DOCK9: variants seen among roughly 807,000 people sequenced by gnomAD.
DOCK9 encodes the protein dedicator of cytokinesis 9.
In DOCK9, 89 loss-of-function variants were observed where a neutral mutation model predicts 263.3. That is an observed-to-expected ratio of 0.34 (90% CI 0.28 to 0.40). DOCK9 has a LOEUF of 0.40. DOCK9 is among the 10% of genes least tolerant of loss of function. The pLI is 1.00. For missense variants in DOCK9, 2,140 were observed against 2,603.4 expected, an observed-to-expected ratio of 0.82 and a Z score of 3.87; for synonymous variants, 976 against 973.1, an observed-to-expected ratio of 1.00 and a Z score of -0.06.
chr13:99,065,595 T>A lies in DOCK9; in HGVS notation c.129+20628A>T, dbSNP rs193102257. ...CAAGTACACGCCATGATTTCCTTCC[T>A]CAAGGCCTGTGCTCCTACGGGTCCC... is the stretch of plus-strand genomic sequence containing the variant. On this transcript the variant is annotated intron_variant, in intron 1 of 32. Transcript: ENST00000427887. Among the ~76,000 whole-genome samples the A allele has an allele frequency of 7.2e-5, 11 of 152,326 alleles. No homozygotes were observed. In the East Asian group the frequency reaches 1.9e-3, roughly 27 times the overall value.
intron 1 of DOCK9, among the ~76,000 whole-genome samples, chr13:98,995,310 G>C (rs1880746868): frequency 6.6e-6 from 1 of 152,120 alleles, no homozygotes; most frequent in Non-Finnish European, 1.5e-5. Context: ...AGGAGTATTG[G>C]GAGATGTGCT....
intron 24 of DOCK9, 71 bp from the exon 25 acceptor site, chr13:98,881,698 T>C (rs1017201462): frequency 1.3e-5 from 19 of 1,458,948 alleles, no homozygotes; most frequent in East Asian, 2.4e-5. Context: ...ATCACAGCAG[T>C]AGTAGAACAA....
intron 1 of DOCK9, among the ~76,000 whole-genome samples, chr13:99,046,322 T>C (rs1022335183): frequency 6.6e-6 from 1 of 152,166 alleles, no homozygotes; most frequent in Non-Finnish European, 1.5e-5. Flanking sequence ...CTGCTTTGAG[T>C]AGGAGGATCC....
chr13:98,900,741 G>A (rs1282634024), intron 13 of DOCK9, among the ~76,000 whole-genome samples: 4 of 152,218 alleles, frequency 2.6e-5, no homozygotes, highest in Non-Finnish European at 5.9e-5. Flanking sequence ...GAGAGGTGAT[G>A]TGATTTGTCC....
intron 15 of DOCK9, among the ~76,000 whole-genome samples, chr13:98,890,181 A>G (rs2046399885): frequency 6.6e-6 from 1 of 152,226 alleles, no homozygotes; most frequent in Non-Finnish European, 1.5e-5. Context: ...TCATAAAAAT[A>G]TTTAATCAGC....
At chr13:98,886,501 A>G in intron 19 of DOCK9, 31 bp downstream of exon 19, 1 of 1,598,984 alleles carries the variant, frequency 6.3e-7, no homozygotes, top group Non-Finnish European at 8.6e-7. Context: ...AAACTGGTCA[A>G]ATTCGGTTTT....
chr13:99,082,445 G>A (rs968628919), intron 1 of DOCK9, among the ~76,000 whole-genome samples: 7 of 151,608 alleles, frequency 4.6e-5, no homozygotes, highest in Non-Finnish European at 7.4e-5. Context: ...CTTGAACCCG[G>A]GAAGCGGAGG....
Position 98,885,070 on chromosome 13 carries a change from G to T in DOCK9, c.2283C>A (p.Leu761=), listed in dbSNP as rs752140830. ...ETQVGYSWLP[L]LKDGRVVTSE... is the part of the protein sequence containing the mutation. ...TTGTCACCACCCTTCCGTCTTTCAG[G>T]AGGGGAAGCCAGGAGTAGCCAACTG... Residue 761 remains leucine (L), a synonymous_variant, in exon 21 of 53, where the codon CTC becomes CTA. Transcript: ENST00000682017. 1 of 1,613,556 alleles carries T rather than the reference G, an allele frequency of 6.2e-7. No homozygotes were observed. Among genetic ancestry groups the T allele is most frequent in the Admixed American group, 1.7e-5 (1 of 59,956 alleles).
chr13:99,057,147 G>T (rs758794115), intron 1 of DOCK9, among the ~76,000 whole-genome samples: 7 of 152,204 alleles, frequency 4.6e-5, no homozygotes, highest in Non-Finnish European at 1.0e-4. Flanking sequence ...CACTCAGCTG[G>T]ACCCCCACCC....
At chr13:98,809,329 T>A (rs777870467) in intron 47 of DOCK9, 23 bp downstream of exon 47, 1 of 1,587,678 alleles carries the variant, frequency 6.3e-7, no homozygotes, top group East Asian at 2.2e-5. Flanking sequence ...TAGGACAGTC[T>A]GCAGAATGGA....
At chr13:98,964,409 C>T (rs2141192273) in intron 1 of DOCK9, among the ~76,000 whole-genome samples, 1 of 152,240 alleles carries the variant, frequency 6.6e-6, no homozygotes, top group East Asian at 1.9e-4. Flanking sequence ...TGGAGCTGAT[C>T]AATGAGTTGA....
chr13:98,823,730 A>G (rs1233305666), intron 45 of DOCK9, among the ~76,000 whole-genome samples: 1 of 152,268 alleles, frequency 6.6e-6, no homozygotes, highest in Non-Finnish European at 1.5e-5. Context: ...ATTTATTCAA[A>G]TATCTAGTTT....
At position 98,955,469 on chromosome 13, in the gene DOCK9, C is replaced by T; in HGVS notation, c.209G>A (p.Arg70Gln). 6 of 1,595,868 alleles carry T rather than the reference C, an allele frequency of 3.8e-6. No homozygotes were observed. Among genetic ancestry groups the T allele is most frequent in the South Asian group, 1.1e-5 (1 of 87,740 alleles). The change falls in exon 2 of 53, where the codon CGG becomes CAG. Residue 70 changes from arginine (R) to glutamine (Q), a missense_variant. Transcript: ENST00000682017. ...ATCGTAAGGGAAGAGCAGCATCTCC[C>T]GTAAACAGTCGTTCAGGATCTGAGT... ...KKTQILNDCL[R>Q]EMLLFPYDDF...
At chr13:98,796,360 T>G (rs2089406735) in intron 52 of DOCK9, 1 of 671,718 alleles carries the variant, frequency 1.5e-6, no homozygotes, top group Admixed American at 2.3e-5. Flanking sequence ...TGTGCCAGAC[T>G]GAAGGACGAT....
Position 98,824,521 on chromosome 13 carries a change from G to A in DOCK9, c.5024-17C>T, listed in dbSNP as rs755597744. 41 of 1,611,224 alleles carry A rather than the reference G, an allele frequency of 2.5e-5. No homozygotes were observed. Among genetic ancestry groups the A allele is most frequent in the Middle Eastern group, 1.6e-4 (1 of 6,070 alleles). ...TAAACACGCCTAGGAAGAGAGGAAG[G>A]AGGGACAGTCAGAGTTAGGAACCTG... On this transcript the variant is annotated splice_polypyrimidine_tract_variant and intron_variant, in intron 44 of 52. Transcript: ENST00000682017.
chr13:98,981,824 T>C (rs1156808929), upstream of DOCK9, among the ~76,000 whole-genome samples: 2 of 152,188 alleles, frequency 1.3e-5, no homozygotes, highest in African/African-American at 2.4e-5. Flanking sequence ...TGTGAGGACA[T>C]GAGGATGACA....
intron 1 of DOCK9, among the ~76,000 whole-genome samples, chr13:98,968,579 C>G (rs546385299): frequency 3.9e-5 from 6 of 152,284 alleles, no homozygotes; most frequent in African/African-American, 1.2e-4. Context: ...GAGATCACTC[C>G]ACTGCACTGC....
rs935195541 is a variant in DOCK9 at position 98,794,471 on chromosome 13, A to G, written c.*155T>C. On this transcript the variant is annotated 3_prime_UTR_variant, in exon 53 of 53. Coordinates refer to ENST00000682017, the MANE Select transcript of DOCK9 (RefSeq NM_001366683.2). ...GTGCACCTTCTTACAACTCCTATAG[A>G]AAGTCTGTTAAGAAATAACGTTGTT... 3.0e-5 allele frequency: 24 copies of G among 805,552 alleles called. 1 individual carries two copies. The South Asian group carries it at 4.3e-4, about 14-fold the overall frequency. 49.9% of individuals were successfully genotyped at this position (805,552 alleles called of 1,614,324 possible). A position where few individuals can be genotyped will look rare whatever the true frequency, so the allele number is the denominator to read the frequency against.
chr13:98,863,284 T>A (rs975268761), intron 31 of DOCK9, 86 bp downstream of exon 31: 6 of 1,537,692 alleles, frequency 3.9e-6, no homozygotes, highest in Admixed American at 1.8e-5. Flanking sequence ...GCTGTTACCA[T>A]GAATTTTCTA....
Sources: allele counts gnomAD v4.1 joint callset (sites outside exome capture counted in the v4.1 genomes callset), GRCh38; gene constraint gnomAD v4.1.1; transcripts MANE v1.5; gene names NCBI Gene and HGNC (gene_info 2026-07-23, HGNC 2026-07-21).